The following MADD variants were observed in gnomAD, a reference collection of about 807,000 sequenced individuals.
MADD encodes MAP kinase-activating death domain protein.
MADD carries 109 observed loss-of-function variants against 176.7 expected under a neutral mutation model. The ratio of observed to expected loss-of-function variants is 0.62; its 90% CI spans 0.53 to 0.72. The LOEUF is 0.72. Ranked by LOEUF, MADD falls within the 30% of genes least tolerant of loss-of-function variation. MADD has a pLI of 0.00. For missense variants in MADD, 1,914 were observed against 2,045.5 expected, an observed-to-expected ratio of 0.94 and a Z score of 1.24; for synonymous variants, 771 against 771.3, an observed-to-expected ratio of 1.00 and a Z score of 0.01.
chr11:47,297,699 G>A (rs1193253670), intron 22 of MADD, among the ~76,000 whole-genome samples: 2 of 151,480 alleles, frequency 1.3e-5, no homozygotes, highest in African/African-American at 4.8e-5. Flanking sequence ...GCTCGCCTTG[G>A]CCTACCAAAG....
At chr11:47,322,221 A>G (rs2094573542) in intron 27 of MADD, among the ~76,000 whole-genome samples, 1 of 152,162 alleles carries the variant, frequency 6.6e-6, no homozygotes, top group South Asian at 2.1e-4. Flanking sequence ...ACAGCTCAGT[A>G]ATGGCAGAGC....
At chr11:47,294,723 AATG>A (rs1342251918) in intron 20 of MADD, among the ~76,000 whole-genome samples, 1 of 151,380 alleles carries the variant, frequency 6.6e-6, no homozygotes, top group South Asian at 2.1e-4. Flanking sequence ...ATAAATAACT[AATG>A]ATAAGGGAAT....
At chr11:47,319,806 C>T (rs893154561) in intron 27 of MADD, among the ~76,000 whole-genome samples, 5 of 151,692 alleles carry the variant, frequency 3.3e-5, no homozygotes, top group Admixed American at 6.6e-5. Flanking sequence ...GCCTAGCCAA[C>T]GTGGTGACAC....
intron 19 of MADD, 154 bp from the exon 21 acceptor site, chr11:47,292,389 G>T: frequency 2.8e-6 from 2 of 708,182 alleles, no homozygotes. Context: ...CTTGTTTTCT[G>T]CCCCTTCTCC....
At chr11:47,300,799 T>C (rs1003498448) in intron 22 of MADD, among the ~76,000 whole-genome samples, 1 of 152,124 alleles carries the variant, frequency 6.6e-6, no homozygotes, top group Non-Finnish European at 1.5e-5. Flanking sequence ...TGCCCTGTGA[T>C]GGGAAGCTTT....
chr11:47,300,889 A>G (rs1260127060), intron 22 of MADD, among the ~76,000 whole-genome samples: 3 of 152,038 alleles, frequency 2.0e-5, no homozygotes, highest in South Asian at 4.1e-4. Context: ...TAGGTTGTCT[A>G]TGTCTAAATT....
chr11:47,272,670 C>T (rs1056886803), intron 1 of MADD, among the ~76,000 whole-genome samples: 51 of 152,320 alleles, frequency 3.3e-4, no homozygotes, highest in Admixed American at 2.4e-3. Context: ...AGTGTATAGA[C>T]ACTTAACACG....
chr11:47,273,944 G>T (rs1462794281), exon 2 of MADD: 1 of 1,614,102 alleles, frequency 6.2e-7, no homozygotes. Flanking sequence ...TCTGTCCTCG[G>T]TTACTTGACT....
At chr11:47,288,896 T>G in intron 15 of MADD, 72 bp from the exon 16 acceptor site, 1 of 1,086,946 alleles carries the variant, frequency 9.2e-7, no homozygotes, top group Non-Finnish European at 1.4e-6. Flanking sequence ...TTATCTGGCT[T>G]ACTGCTCCTC....
chr11:47,315,838 T>C (rs2092686718), intron 27 of MADD, among the ~76,000 whole-genome samples: 1 of 146,854 alleles, frequency 6.8e-6, no homozygotes, highest in South Asian at 2.2e-4. Flanking sequence ...ATTTCTTTTT[T>C]TTTTTTTTTT....
exon 33 of MADD, chr11:47,329,458 T>C (rs2095811174): frequency 2.8e-6 from 1 of 357,720 alleles, no homozygotes; most frequent in East Asian, 5.3e-5. Context: ...TTGTGGTTCC[T>C]TGTCCTTGTC....
At chr11:47,323,943 C>G (rs577038538) in intron 28 of MADD, 108 bp downstream of exon 31, 2 of 1,215,950 alleles carry the variant, frequency 1.6e-6, no homozygotes, top group Non-Finnish European at 2.3e-6. Flanking sequence ...AGCCACACTT[C>G]TGTCTCCAGC....
At chr11:47,289,086 C>T in intron 15 of MADD, 59 bp downstream of exon 16, 7 of 1,489,766 alleles carry the variant, frequency 4.7e-6, no homozygotes, top group Non-Finnish European at 6.4e-6. Context: ...TCTTCTGTGC[C>T]TGCCCGAGGG....
rs2095733444 is a variant in MADD at position 47,328,708 on chromosome 11, A to C, written c.4659+4A>C. 6.2e-7 allele frequency: 1 copy of C among 1,614,048 alleles called. No individual in the cohort carries two copies. The highest frequency in any genetic ancestry group is 1.3e-5 in the African/African-American group (1 of 74,934). ...CCACAAGTACAAGACACCAATGGTG[A>C]GTGTGCCGCTCAACCCTGATGGGCC... is the stretch of plus-strand genomic sequence containing the variant. On this transcript the variant is annotated splice_donor_region_variant and intron_variant, in intron 32 of 32. Transcript: ENST00000402192.
intron 14 of MADD, 27 bp from the exon 15 acceptor site, chr11:47,286,406 A>G: frequency 3.3e-6 from 5 of 1,500,062 alleles, no homozygotes; most frequent in Non-Finnish European, 3.7e-6. Context: ...CTGCCAAGTC[A>G]TCGCTCTTGC....
chr11:47,276,169 C>T, exon 4 of MADD: 1 of 1,613,556 alleles, frequency 6.2e-7, no homozygotes, highest in Non-Finnish European at 8.5e-7. Context: ...ACGCCTGTCT[C>T]CAGGTGCTAA....
intron 19 of MADD, 87 bp downstream of exon 20, chr11:47,290,903 C>T: frequency 8.1e-6 from 9 of 1,106,414 alleles, no homozygotes; most frequent in Non-Finnish European, 1.0e-5. Flanking sequence ...TCCTGCCTTT[C>T]TCTGCCCCAT....
chr11:47,327,900 A>G, intron 31 of MADD: 2 of 985,324 alleles, frequency 2.0e-6, no homozygotes, highest in Non-Finnish European at 2.4e-6. Context: ...CTGGCCAAGC[A>G]GAACCCCTGC....
In MADD at chr11:47,326,730, TC is replaced by T. The variant is rs1486886015; in HGVS notation, c.4543-7del. ...GGCCTTACCCCGGCCTCCCTCCCTC[TC>T]TTGCAGGTTTTCATAGAGCTGAATC... On this transcript the variant is annotated splice_polypyrimidine_tract_variant and splice_region_variant and intron_variant, in intron 30 of 32. Coordinates refer to ENST00000402192, the Ensembl canonical transcript of MADD. 6.2e-7 allele frequency: 1 copy of T among 1,614,068 alleles called. No homozygotes were observed. The highest frequency in any genetic ancestry group is 1.1e-5 in the South Asian group (1 of 91,082).
Sources: gnomAD v4.1 joint callset for allele counts (sites outside exome capture counted in the v4.1 genomes callset) on GRCh38, gnomAD v4.1.1 for gene constraint, MANE v1.5 for transcripts, NCBI Gene and HGNC (gene_info 2026-07-23, HGNC 2026-07-21) for gene names.